Variants in TRPS1 observed in about 807,000 individuals in gnomAD.
TRPS1 encodes the protein zinc finger transcription factor Trps1.
Under a neutral mutation model 101.2 loss-of-function variants are expected in TRPS1, and 6 were observed. The ratio of observed to expected loss-of-function variants is 0.06; its 90% CI spans 0.03 to 0.12. TRPS1 has a LOEUF of 0.12. TRPS1 is among the 10% of genes least tolerant of loss of function. The probability of loss-of-function intolerance (pLI) is 1.00; values close to 1 mark genes in which losing one functional copy is unlikely to be tolerated. For synonymous variants in TRPS1, 578 were observed against 589.8 expected, an observed-to-expected ratio of 0.98 and a Z score of 0.29; for missense variants, 1,363 against 1,567.0, an observed-to-expected ratio of 0.87 and a Z score of 2.20.
At chr8:115,428,824 G>GT (rs1393481473) in intron 5 of TRPS1, among the ~76,000 whole-genome samples, 1 of 152,026 alleles carries the variant, frequency 6.6e-6, no homozygotes, top group East Asian at 1.9e-4. Context: ...ATTCAATTTT[G>GT]TATGTCCTCA....
chr8:115,436,125 T>C (rs1813446883), intron 5 of TRPS1, among the ~76,000 whole-genome samples: 1 of 152,088 alleles, frequency 6.6e-6, no homozygotes, highest in Non-Finnish European at 1.5e-5. Flanking sequence ...TCTTTTATTT[T>C]TCTTCAGTTG....
At chr8:115,486,037 T>C (rs1187833672) in intron 5 of TRPS1, among the ~76,000 whole-genome samples, 1 of 152,238 alleles carries the variant, frequency 6.6e-6, no homozygotes, top group Non-Finnish European at 1.5e-5. Flanking sequence ...TCACAAATAC[T>C]GCATTTTTAA....
chr8:115,468,383 A>G (rs1351607036), intron 5 of TRPS1, among the ~76,000 whole-genome samples: 1 of 152,206 alleles, frequency 6.6e-6, no homozygotes, highest in Non-Finnish European at 1.5e-5. Flanking sequence ...GCATATATGA[A>G]CAAACAAATA....
intron 1 of TRPS1, among the ~76,000 whole-genome samples, chr8:115,644,722 A>G (rs2737239): frequency 0.5 from 76,508 of 152,096 alleles, 22,758 homozygotes; most frequent in African/African-American, 0.83. Flanking sequence ...CTCACTAAGC[A>G]TAATCATTTC....
At chr8:115,535,748 T>C (rs1010895386) in intron 5 of TRPS1, among the ~76,000 whole-genome samples, 2 of 151,280 alleles carry the variant, frequency 1.3e-5, no homozygotes, top group African/African-American at 4.9e-5. Context: ...CATATATATA[T>C]ACATGTATAT....
At chr8:115,667,799 G>C in intron 1 of TRPS1, 3 of 1,523,620 alleles carry the variant, frequency 2.0e-6, no homozygotes. Context: ...GTCCTGTGCT[G>C]TTTTCCCACT....
chr8:115,605,075 A>G, intron 3 of TRPS1, 73 bp from the exon 4 acceptor site: 1 of 1,372,780 alleles, frequency 7.3e-7, no homozygotes, highest in Non-Finnish European at 1.0e-6. Flanking sequence ...GGGGAGGGGG[A>G]GGGTACTGCC....
intron 5 of TRPS1, among the ~76,000 whole-genome samples, chr8:115,559,135 C>A (rs1816890962): frequency 6.6e-6 from 1 of 152,074 alleles, no homozygotes; most frequent in Non-Finnish European, 1.5e-5. Context: ...TTCTGAATAA[C>A]AAAATACATT....
At chr8:115,503,056 G>A (rs1815356129) in intron 5 of TRPS1, among the ~76,000 whole-genome samples, 1 of 151,998 alleles carries the variant, frequency 6.6e-6, no homozygotes, top group African/African-American at 2.4e-5. Context: ...CAGGTCAGGA[G>A]ATCGAGACCA....
intron 1 of TRPS1, among the ~76,000 whole-genome samples, chr8:115,652,536 C>T (rs1479440867): frequency 6.6e-6 from 1 of 152,116 alleles, no homozygotes; most frequent in Admixed American, 6.5e-5. Flanking sequence ...TAAAAAGTAG[C>T]CATTTGTTTT....
intron 5 of TRPS1, among the ~76,000 whole-genome samples, chr8:115,444,191 A>G (rs1295265528): frequency 6.6e-6 from 1 of 152,160 alleles, no homozygotes; most frequent in Non-Finnish European, 1.5e-5. Flanking sequence ...GTGATTTCTT[A>G]CCATCATGTC....
intron 5 of TRPS1, among the ~76,000 whole-genome samples, chr8:115,535,197 A>G (rs534371537): frequency 6.8e-5 from 10 of 147,828 alleles, no homozygotes; most frequent in African/African-American, 1.5e-4. Flanking sequence ...TATAGCATAT[A>G]TATAGCATAT....
chr8:115,496,479 T>A (rs192124725), intron 5 of TRPS1, among the ~76,000 whole-genome samples: 1 of 152,236 alleles, frequency 6.6e-6, no homozygotes, highest in African/African-American at 2.4e-5. Context: ...GAAAAATAAA[T>A]CATTCTAGGC....
chr8:115,525,545 T>C (rs970761624), intron 5 of TRPS1, among the ~76,000 whole-genome samples: 3 of 152,166 alleles, frequency 2.0e-5, no homozygotes, highest in African/African-American at 7.2e-5. Flanking sequence ...TGGGTTAATA[T>C]GTAGAATGGT....
At chr8:115,434,807 T>C (rs1407035477) in intron 5 of TRPS1, among the ~76,000 whole-genome samples, 1 of 152,192 alleles carries the variant, frequency 6.6e-6, no homozygotes, top group Non-Finnish European at 1.5e-5. Flanking sequence ...GTTCTTGGCT[T>C]TTAAAGGTAG....
chr8:115,525,958 C>A (rs1316668659), intron 5 of TRPS1, among the ~76,000 whole-genome samples: 1 of 152,040 alleles, frequency 6.6e-6, no homozygotes, highest in Non-Finnish European at 1.5e-5. Context: ...GGTAGTGATA[C>A]CACTGGCAGA....
chr8:115,620,147 G>T, intron 2 of TRPS1, 87 bp from the exon 3 acceptor site: 2 of 1,320,656 alleles, frequency 1.5e-6, no homozygotes, highest in Non-Finnish European at 2.1e-6. Context: ...ACTTATGTGA[G>T]TTTTTTAAGG....
chr8:115,599,540 T>C (rs890566051), intron 4 of TRPS1, among the ~76,000 whole-genome samples: 1 of 152,128 alleles, frequency 6.6e-6, no homozygotes, highest in Admixed American at 6.6e-5. Flanking sequence ...CTCCACACCG[T>C]GTCCATATGT....
At chr8:115,527,906 C>A (rs536423214) in intron 5 of TRPS1, among the ~76,000 whole-genome samples, 14 of 152,186 alleles carry the variant, frequency 9.2e-5, no homozygotes, top group Admixed American at 3.3e-4. Flanking sequence ...CAAATTAGAA[C>A]CTTTCTAACA....
Sources: allele counts gnomAD v4.1 joint callset (sites outside exome capture counted in the v4.1 genomes callset), GRCh38; gene constraint gnomAD v4.1.1; transcripts MANE v1.5; gene names NCBI Gene and HGNC (gene_info 2026-07-23, HGNC 2026-07-21).